Variants in SLC19A1 observed in about 807,000 individuals in gnomAD.
The protein encoded by SLC19A1 is solute carrier family 19 member 1.
A neutral mutation model predicts 35.3 loss-of-function variants in SLC19A1; 37 were observed. That is an observed-to-expected ratio of 1.05 (90% CI 0.81 to 1.38). The LOEUF (loss-of-function observed/expected upper bound fraction) is 1.38. Among genes scored for constraint, SLC19A1 ranks in the 40% most tolerant of loss-of-function variants. The probability of loss-of-function intolerance (pLI) is 0.00; values close to 1 mark genes in which losing one functional copy is unlikely to be tolerated. For synonymous variants in SLC19A1, 460 were observed against 398.5 expected, an observed-to-expected ratio of 1.15 and a Z score of -1.84; for missense variants, 831 against 826.9, an observed-to-expected ratio of 1.00 and a Z score of -0.06.
upstream of SLC19A1, among the ~76,000 whole-genome samples, chr21:45,549,291 C>T (rs183819801): frequency 6.6e-5 from 10 of 152,130 alleles, no homozygotes; most frequent in East Asian, 1.9e-4. Flanking sequence ...AGGGAGGCTC[C>T]GTCCTGGAAG....
chr21:45,511,055 CACA>C (rs2037575035), downstream of SLC19A1: 2 of 655,652 alleles, frequency 3.1e-6, no homozygotes, highest in African/African-American at 2.8e-5. Context: ...CACAAACACC[CACA>C]CCCATCCACA....
At position 45,540,866 on chromosome 21, in the gene SLC19A1, C is replaced by G. The variant is rs996007761; in HGVS notation, c.-50+1502G>C. Among the ~76,000 whole-genome samples, 20 of 151,924 alleles carry G rather than the reference C, an allele frequency of 1.3e-4. 1 individual carries two copies. Among genetic ancestry groups the G allele is most frequent in the Middle Eastern group, 3.4e-3 (1 of 294 alleles). On this transcript the variant is annotated intron_variant, in intron 1 of 5. Coordinates refer to ENST00000311124, the MANE Select transcript of SLC19A1 (RefSeq NM_194255.4). The surrounding 1 kb of genome is among the most constrained non-coding windows in gnomAD (Gnocchi z 5.5). ...GCCCCACTGTCCACAGTGACCAGCC[C>G]CACCCAGGCCCTGTCCTTCCAAGCA...
intron 4 of SLC19A1, among the ~76,000 whole-genome samples, chr21:45,526,901 G>A (rs1207756639): frequency 6.6e-6 from 1 of 152,186 alleles, no homozygotes; most frequent in Non-Finnish European, 1.5e-5. Flanking sequence ...TAGGGATGCT[G>A]AACCTATACA....
chr21:45,531,382 T>A lies in SLC19A1; in HGVS notation c.949+7A>T. ...GGAAGAAGCCTCGGGGACCAGGGCA[T>A]GCGTACCCAGCAGCGTGGAGGCAGC... On this transcript the variant is annotated splice_region_variant and intron_variant, in intron 3 of 5. Transcript: ENST00000311124. 6.4e-7 allele frequency: 1 copy of A among 1,566,364 alleles called. No homozygotes were observed. Among genetic ancestry groups the A allele is most frequent in the Non-Finnish European group, 8.7e-7 (1 of 1,154,532 alleles).
intron 1 of SLC19A1, among the ~76,000 whole-genome samples, chr21:45,560,359 C>A (rs1391663381): frequency 6.6e-6 from 1 of 152,198 alleles, no homozygotes; most frequent in Non-Finnish European, 1.5e-5. Context: ...CTATGGCCCC[C>A]ACAGGAGCTA....
At chr21:45,521,656 C>T (rs1345047975) in intron 5 of SLC19A1, among the ~76,000 whole-genome samples, 1 of 152,132 alleles carries the variant, frequency 6.6e-6, no homozygotes, top group African/African-American at 2.4e-5. Context: ...GATATTGGTA[C>T]AAGAGTAAAC....
At chr21:45,504,577 G>A in intron 3 of SLC19A1, 6 of 1,560,052 alleles carry the variant, frequency 3.8e-6, no homozygotes, top group Non-Finnish European at 5.2e-6. Flanking sequence ...GCCTGTGCAG[G>A]CAGAGCCCAT....
chr21:45,521,788 T>A (rs1433975858), intron 5 of SLC19A1, among the ~76,000 whole-genome samples: 1 of 152,060 alleles, frequency 6.6e-6, no homozygotes, highest in Non-Finnish European at 1.5e-5. Context: ...CAAATGATGC[T>A]GGAATAAATG....
Position 45,517,263 on chromosome 21 carries a change from G to T in SLC19A1, c.1294-1123C>A, listed in dbSNP as rs2146213541. Among the ~76,000 whole-genome samples, 1 of 152,304 alleles carries T rather than the reference G, an allele frequency of 6.6e-6. No homozygotes were observed. Among genetic ancestry groups the T allele is most frequent in the South Asian group, 2.1e-4 (1 of 4,826 alleles). The stretch of plus-strand genomic sequence containing the variant: ...AGCTCTCTCTGGCCTAAGACCCAGG[G>T]AAGGGTCAGCCCAACATGAGGAAAG... On this transcript the variant is annotated intron_variant, in intron 5 of 5. Coordinates refer to ENST00000311124, the MANE Select transcript of SLC19A1 (RefSeq NM_194255.4). This position sits in a 1 kb window ranked among gnomAD's most constrained non-coding sequence, Gnocchi z 4.4.
downstream of SLC19A1, chr21:45,512,257 G>A (rs575466180): frequency 3.8e-5 from 61 of 1,611,966 alleles, no homozygotes; most frequent in Admixed American, 6.7e-5. Flanking sequence ...ACTGTGAGAC[G>A]TGGCGGACGG....
intron 4 of SLC19A1, among the ~76,000 whole-genome samples, chr21:45,529,352 G>T (rs1159900275): frequency 2.0e-5 from 3 of 152,214 alleles, no homozygotes. Flanking sequence ...AAACAGGCTC[G>T]TGACCAGCAT....
intron 1 of SLC19A1, among the ~76,000 whole-genome samples, chr21:45,541,345 C>A (rs2078296460): frequency 6.6e-6 from 1 of 152,252 alleles, no homozygotes; most frequent in South Asian, 2.1e-4. Flanking sequence ...CCAGAGGCAC[C>A]TCGGCTCTGC....
chr21:45,511,131 C>G, downstream of SLC19A1: 1 of 1,586,706 alleles, frequency 6.3e-7, no homozygotes, highest in East Asian at 2.3e-5. Flanking sequence ...TGTTTCCCAG[C>G]TGGGAGGCTC....
intron 1 of SLC19A1, among the ~76,000 whole-genome samples, chr21:45,561,942 C>T (rs1478386762): frequency 6.6e-6 from 1 of 150,900 alleles, no homozygotes; most frequent in Admixed American, 6.6e-5. Context: ...ACAATCCTGG[C>T]CAACATGGTG....
At chr21:45,510,266 G>A (rs1329355911), downstream of SLC19A1, 1 of 1,599,958 alleles carries the variant, frequency 6.3e-7, no homozygotes, top group Admixed American at 1.7e-5. Context: ...CTCAAGGTGG[G>A]TCAGTCCAGT....
upstream of SLC19A1, among the ~76,000 whole-genome samples, chr21:45,545,372 A>AC (rs796220127): frequency 2.9e-3 from 429 of 146,116 alleles, 2 homozygotes; most frequent in African/African-American, 8.8e-3. Context: ...AGAGTCCGGG[A>AC]CCCCCCCCTT....
chr21:45,546,648 T>C (rs147905617), upstream of SLC19A1, among the ~76,000 whole-genome samples: 57 of 152,338 alleles, frequency 3.7e-4, no homozygotes, highest in African/African-American at 1.3e-3. Context: ...GGCAGCTGTT[T>C]AGAATAATGT....
In SLC19A1 at chr21:45,530,323, T is replaced by G. The variant is rs368998270; in HGVS notation, c.1151+447A>C. On this transcript the variant is annotated intron_variant, in intron 4 of 5. Transcript: ENST00000311124. The surrounding 1 kb of genome is among the most constrained non-coding windows in gnomAD (Gnocchi z 5.3). ...CGTGTGGTATGTGTTCATGAGTGTG[T>G]GGTGAGTGTCCATCTGTGCGCATGT... 0.019 allele frequency among the ~76,000 whole-genome samples: 2,812 copies of G among 148,732 alleles called. 87 individuals carry two copies. Among genetic ancestry groups the G allele is most frequent in the African/African-American group, 0.067 (2,666 of 39,950 alleles).
downstream of SLC19A1, chr21:45,509,565 C>G: frequency 6.5e-7 from 1 of 1,529,876 alleles, no homozygotes; most frequent in South Asian, 1.2e-5. Flanking sequence ...GACCCACAAG[C>G]CCACCCGCCC....
Sources: allele counts gnomAD v4.1 joint callset (sites outside exome capture counted in the v4.1 genomes callset), GRCh38; gene constraint gnomAD v4.1.1; non-coding constraint Gnocchi (gnomAD v3.1); transcripts MANE v1.5; gene names NCBI Gene and HGNC (gene_info 2026-07-23, HGNC 2026-07-21).